The following DOCK2 variants were observed in gnomAD, a reference collection of about 807,000 sequenced individuals.
DOCK2 encodes the protein dedicator of cytokinesis 2.
A neutral mutation model predicts 248.9 loss-of-function variants in DOCK2; 87 were observed. That is an observed-to-expected ratio of 0.35 (90% confidence interval 0.29 to 0.42). DOCK2 has a LOEUF of 0.42. Among genes scored for constraint, DOCK2 ranks in the 10% least tolerant of loss-of-function variants. The pLI is 1.00. For synonymous variants in DOCK2, 805 were observed against 821.6 expected (o/e 0.98, Z 0.35); for missense variants, 1,747 against 2,300.2 (o/e 0.76, Z 4.92).
chr5:169,745,874 C>G (rs1434335399), intron 22 of DOCK2, among the ~76,000 whole-genome samples: 1 of 152,078 alleles, frequency 6.6e-6, no homozygotes. Flanking sequence ...CAAGAAGGCT[C>G]AGGAGTGAGC....
At chr5:169,776,182 T>TAA (rs1765378576) in intron 25 of DOCK2, among the ~76,000 whole-genome samples, 1 of 147,466 alleles carries the variant, frequency 6.8e-6, no homozygotes, top group Non-Finnish European at 1.5e-5. Flanking sequence ...TAAATATATA[T>TAA]ATATAGGTCT....
intron 44 of DOCK2, among the ~76,000 whole-genome samples, chr5:170,060,351 T>C (rs113472287): frequency 2.6e-5 from 4 of 152,292 alleles, no homozygotes; most frequent in African/African-American, 9.6e-5. Flanking sequence ...AAAGGGACCT[T>C]AGGTGTCTTT....
Position 169,700,148 on chromosome 5 carries a change from C to T in DOCK2, c.1258+9C>T, listed in dbSNP as rs1346940660. ...AGAGATCATCATGCCAGGTGAGACA[C>T]AGCTGCTCTGACCTTCCCCTGGGGA... On this transcript the variant is annotated intron_variant, in intron 13 of 51. Transcript: ENST00000520908. 2.5e-6 allele frequency: 4 copies of T among 1,613,036 alleles called. No individual in the cohort carries two copies. Among genetic ancestry groups the T allele is most frequent in the East Asian group, 2.2e-5 (1 of 44,856 alleles).
At chr5:170,070,407 G>C (rs1195692551) in intron 46 of DOCK2, among the ~76,000 whole-genome samples, 1 of 152,242 alleles carries the variant, frequency 6.6e-6, no homozygotes, top group Non-Finnish European at 1.5e-5. Context: ...TTTATGCAAA[G>C]TGGGGCTTTA....
In DOCK2 at chr5:169,906,479, T is replaced by TTGTTA. The variant is rs767598375; in HGVS notation, c.2799+65628_2799+65632dup. 2.5e-3 allele frequency among the ~76,000 whole-genome samples: 381 copies of TTGTTA among 151,780 alleles called. 3 individuals are homozygous for TTGTTA. The highest frequency in any genetic ancestry group is 0.012 in the South Asian group (58 of 4,810). The stretch of plus-strand genomic sequence containing the variant: ...TTAGATTTTTAAAATTTATTTTATT[T>TTGTTA]TGTTACGTTATGTTATGTTATTTCA... On this transcript the variant is annotated intron_variant, in intron 27 of 51. Coordinates refer to ENST00000520908, the MANE Select transcript of DOCK2 (RefSeq NM_004946.3).
At chr5:169,882,916 T>C (rs987898741) in intron 27 of DOCK2, 1 of 1,551,980 alleles carries the variant, frequency 6.4e-7, no homozygotes, top group Admixed American at 2.0e-5. Flanking sequence ...TGAAGGACAG[T>C]CTGAGGCTCT....
At chr5:169,748,146 G>A (rs1763713025) in intron 23 of DOCK2, among the ~76,000 whole-genome samples, 1 of 150,426 alleles carries the variant, frequency 6.6e-6, no homozygotes, top group Non-Finnish European at 1.5e-5. Flanking sequence ...CTAAATCAAT[G>A]AGTTAATGCA....
At chr5:169,695,775 G>A (rs1372483644) in intron 9 of DOCK2, 28 bp from the exon 10 acceptor site, 3 of 1,612,184 alleles carry the variant, frequency 1.9e-6, no homozygotes, top group Non-Finnish European at 2.5e-6. Flanking sequence ...AGCACATGAT[G>A]GTCAATTTTT....
chr5:170,083,097 G>A lies in DOCK2; in HGVS notation c.*239G>A, dbSNP rs1470728034. ...CTCAACGTAGATTCCTGAACTCAAG[G>A]TACCAGCAAGAATGCCTTCTCCCAG... On this transcript the variant is annotated 3_prime_UTR_variant, in exon 52 of 52. Transcript: ENST00000520908. 1.9e-6 allele frequency: 1 copy of A among 520,296 alleles called. No homozygotes were observed. Among genetic ancestry groups the A allele is most frequent in the Non-Finnish European group, 3.4e-6 (1 of 292,136 alleles). 32.2% of individuals were successfully genotyped at this position (520,296 alleles called of 1,614,324 possible).
intron 27 of DOCK2, among the ~76,000 whole-genome samples, chr5:169,863,647 A>G (rs1771346006): frequency 6.6e-6 from 1 of 152,258 alleles, no homozygotes; most frequent in African/African-American, 2.4e-5. Flanking sequence ...ACAGGCAGAA[A>G]GGTGCATGCA....
Position 169,669,278 on chromosome 5 carries a change from C to A in DOCK2, c.128-10C>A. The A allele has an allele frequency of 6.2e-7, 1 of 1,613,008 alleles. No individual in the cohort carries two copies. The highest frequency in any genetic ancestry group is 1.3e-5 in the African/African-American group (1 of 74,990). On this transcript the variant is annotated splice_polypyrimidine_tract_variant and intron_variant, in intron 2 of 51. Transcript: ENST00000520908. ...AATGAGGGAACTGTTTCTTTGTTTT[C>A]TTTTTGCAGACTGGTATAGGGGATA...
chr5:169,711,869 T>TA, intron 15 of DOCK2, 66 bp from the exon 16 acceptor site: 1 of 1,563,244 alleles, frequency 6.4e-7, no homozygotes, highest in Non-Finnish European at 8.8e-7. Context: ...TGGAAGTGTG[T>TA]AGGGGGGTGC....
At chr5:169,644,157 G>T (rs536351445) in intron 1 of DOCK2, among the ~76,000 whole-genome samples, 1 of 152,298 alleles carries the variant, frequency 6.6e-6, no homozygotes, top group South Asian at 2.1e-4. Context: ...GTATTGTGAG[G>T]TCCTTGGCTT....
At chr5:170,023,410 T>A (rs527543318) in intron 33 of DOCK2, among the ~76,000 whole-genome samples, 1 of 152,292 alleles carries the variant, frequency 6.6e-6, no homozygotes, top group South Asian at 2.1e-4. Context: ...AAAGATTACA[T>A]CAATTCAATA....
chr5:169,955,001 G>A (rs576503157), intron 27 of DOCK2, among the ~76,000 whole-genome samples: 2 of 152,352 alleles, frequency 1.3e-5, no homozygotes, highest in Non-Finnish European at 2.9e-5. Context: ...AAACCTCCAT[G>A]AGGAAGGCTC....
intron 46 of DOCK2, 25 bp downstream of exon 46, chr5:170,069,245 C>A (rs781084106): frequency 6.2e-7 from 1 of 1,610,734 alleles, no homozygotes; most frequent in Non-Finnish European, 8.5e-7. Context: ...GCCAGGGGAG[C>A]ATGCTGCTCT....
At chr5:169,788,936 C>T (rs1424804114) in intron 25 of DOCK2, among the ~76,000 whole-genome samples, 1 of 152,054 alleles carries the variant, frequency 6.6e-6, no homozygotes, top group East Asian at 1.9e-4. Context: ...TATTTTGTCA[C>T]CCAGGTATTA....
intron 27 of DOCK2, among the ~76,000 whole-genome samples, chr5:169,871,738 C>T (rs1422979822): frequency 6.6e-6 from 1 of 152,088 alleles, no homozygotes. Context: ...GCCTGGTGCT[C>T]CTGGATGACC....
rs571481933 is a variant in DOCK2, at chr5:169,867,511, TTATC to T, written c.2799+26668_2799+26671del. ...ATCTAATCTATCATCTATTATCTAT[TTATC>T]TATCTATCATCTATCATCTATCATG... On this transcript the variant is annotated intron_variant, in intron 27 of 51. Coordinates refer to ENST00000520908, the MANE Select transcript of DOCK2 (RefSeq NM_004946.3). Among the ~76,000 whole-genome samples the T allele has an allele frequency of 1.0e-3, 159 of 152,006 alleles. 1 individual carries two copies. The highest frequency in any genetic ancestry group is 3.3e-3 in the Admixed American group (50 of 15,268).
Sources: gnomAD v4.1 joint callset for allele counts (sites outside exome capture counted in the v4.1 genomes callset) on GRCh38, gnomAD v4.1.1 for gene constraint, MANE v1.5 for transcripts, NCBI Gene and HGNC (gene_info 2026-07-23, HGNC 2026-07-21) for gene names.